SIPA1L3: variants seen among roughly 807,000 people sequenced by gnomAD.
SIPA1L3 encodes signal-induced proliferation-associated 1-like protein 3.
A neutral mutation model predicts 150.1 loss-of-function variants in SIPA1L3; 59 were observed. That is an observed-to-expected ratio of 0.39 (90% CI 0.32 to 0.49). The LOEUF (loss-of-function observed/expected upper bound fraction) is 0.49, where lower values mean the gene tolerates loss of function less well. Among genes scored for constraint, SIPA1L3 ranks in the 20% least tolerant of loss-of-function variants. SIPA1L3 has a pLI of 0.86. For synonymous variants in SIPA1L3, 1,070 were observed against 1,077.6 expected, an observed-to-expected ratio of 0.99 and a Z score of 0.14; for missense variants, 2,211 against 2,489.5, an observed-to-expected ratio of 0.89 and a Z score of 2.38.
chr19:37,952,024 G>C (rs569671347), intron 1 of SIPA1L3, among the ~76,000 whole-genome samples: 58 of 152,106 alleles, frequency 3.8e-4, no homozygotes, highest in African/African-American at 1.4e-3. Flanking sequence ...ATAGGGATTG[G>C]TTCAAGGAAG....
In SIPA1L3 at chr19:38,047,739, A is replaced by G. The variant is rs919109445; in HGVS notation, c.-311+18583A>G. On this transcript the variant is annotated intron_variant, in intron 2 of 21. Transcript: ENST00000222345. The surrounding 1 kb of genome is among the most constrained non-coding windows in gnomAD (Gnocchi z 4.7). The stretch of plus-strand genomic sequence containing the variant: ...ACACCGCAGCCAGCCAGGTCTCCTC[A>G]TGGAGGGCCTCGGACCACGTGTCAT... Among the ~76,000 whole-genome samples, 2 of 152,130 alleles carry G rather than the reference A, an allele frequency of 1.3e-5. No homozygotes were observed. The highest frequency in any genetic ancestry group is 4.8e-5 in the African/African-American group (2 of 41,430).
At chr19:38,149,422 A>G (rs1387031139) in intron 12 of SIPA1L3, among the ~76,000 whole-genome samples, 1 of 152,156 alleles carries the variant, frequency 6.6e-6, no homozygotes, top group Non-Finnish European at 1.5e-5. Flanking sequence ...AGAGAAGTAC[A>G]TGGTTGGATA....
In SIPA1L3 at chr19:38,192,213, G is replaced by A. The variant is rs142454385; in HGVS notation, c.4499G>A (p.Arg1500Gln). 3.4e-5 allele frequency: 55 copies of A among 1,613,512 alleles called. No individual in the cohort carries two copies. Among genetic ancestry groups the A allele is most frequent in the Non-Finnish European group, 4.4e-5 (52 of 1,179,774 alleles). The change falls in exon 17 of 22, where the codon CGG (arginine) becomes CAG (glutamine). Residue 1500 changes from arginine to glutamine, a missense_variant. By Grantham distance (43) the Arg-to-Gln change is conservative. Around this residue, in one of 5 missense-constraint regions of SIPA1L3, gnomAD observed 806 missense variants for 870.1 expected, o/e 0.93. Transcript: ENST00000222345. ...PRLRASLRDLRSPRKNYKSTI... is the reference protein window; with the variant it reads ...PRLRASLRDLQSPRKNYKSTI... ...TTGAGGGCATCCCTCCGAGACCTCC[G>A]GTCACCACGGAAGAACTACAAATCC...
chr19:38,017,426 G>A (rs774805771), intron 1 of SIPA1L3, among the ~76,000 whole-genome samples: 1 of 151,840 alleles, frequency 6.6e-6, no homozygotes, highest in East Asian at 1.9e-4. Context: ...AGCAAGGCCT[G>A]TTTGTTCCTG....
chr19:38,065,411 C>CTTT (rs10718226), intron 2 of SIPA1L3, among the ~76,000 whole-genome samples: 8 of 122,368 alleles, frequency 6.5e-5, no homozygotes, highest in African/African-American at 2.4e-4. Flanking sequence ...CACATGCTGA[C>CTTT]TTTTTTTTTT....
At chr19:37,961,693 T>C (rs1377839924) in intron 1 of SIPA1L3, among the ~76,000 whole-genome samples, 7 of 152,206 alleles carry the variant, frequency 4.6e-5, no homozygotes, top group African/African-American at 1.4e-4. Flanking sequence ...CTATTACTTG[T>C]TCAGATTTTT....
At chr19:38,148,663 C>T (rs1971752482) in intron 12 of SIPA1L3, among the ~76,000 whole-genome samples, 1 of 152,150 alleles carries the variant, frequency 6.6e-6, no homozygotes, top group Non-Finnish European at 1.5e-5. Context: ...CGGCGAGGCT[C>T]CTGCCCACAG....
intron 16 of SIPA1L3, among the ~76,000 whole-genome samples, chr19:38,187,180 G>A (rs902636181): frequency 2.0e-5 from 3 of 151,772 alleles, no homozygotes; most frequent in African/African-American, 7.3e-5. Flanking sequence ...AGCCAGGCGT[G>A]GTAGCTCACG....
At position 38,164,768 on chromosome 19, in the gene SIPA1L3, C is replaced by T. The variant is rs767469139; in HGVS notation, c.4070C>T (p.Ala1357Val). ...GAGGCCGCTGGGAGGTCCCACCACG[C>T]AGACAGGCGGCGGGAGGTCTCCCCT... ...GREAAGRSHH[A>V]DRRREVSPAP... Residue 1357 changes from alanine (A) to valine (V), a missense_variant, in exon 15 of 22, where the codon GCA (alanine) becomes GTA (valine). Ala to Val is a moderately conservative substitution (Grantham distance 64). Coordinates refer to ENST00000222345, the MANE Select transcript of SIPA1L3 (RefSeq NM_015073.3). The surrounding 1 kb of genome is among the most constrained non-coding windows in gnomAD (Gnocchi z 4.1). The T allele has an allele frequency of 1.9e-5, 31 of 1,612,784 alleles. No individual in the cohort carries two copies. The Admixed American group carries it at 5.2e-4, about 27-fold the overall frequency.
At chr19:38,007,227 C>T (rs929535615) in intron 1 of SIPA1L3, among the ~76,000 whole-genome samples, 7 of 152,030 alleles carry the variant, frequency 4.6e-5, no homozygotes, top group Non-Finnish European at 1.0e-4. Flanking sequence ...CCAAGGCAGA[C>T]GGATCATTTG....
At chr19:37,946,533 A>G (rs1288241213) in intron 1 of SIPA1L3, among the ~76,000 whole-genome samples, 1 of 152,198 alleles carries the variant, frequency 6.6e-6, no homozygotes, top group Non-Finnish European at 1.5e-5. Context: ...TTGTATATGT[A>G]TCTGTTTATT....
At chr19:38,176,175 A>G (rs1237643713) in intron 15 of SIPA1L3, among the ~76,000 whole-genome samples, 7 of 140,452 alleles carry the variant, frequency 5.0e-5, no homozygotes, top group Admixed American at 4.2e-4. Flanking sequence ...ACACTTGGCT[A>G]ATTTTTTTTT....
At chr19:38,110,447 TG>T in intron 8 of SIPA1L3, 63 bp downstream of exon 8, 1 of 1,502,456 alleles carries the variant, frequency 6.7e-7, no homozygotes, top group Non-Finnish European at 9.1e-7. Context: ...CTGGCCCAAG[TG>T]GGTCCCAGTA....
chr19:38,159,534 A>G (rs1043126663), intron 13 of SIPA1L3, among the ~76,000 whole-genome samples: 1 of 152,220 alleles, frequency 6.6e-6, no homozygotes, highest in Admixed American at 6.5e-5. Flanking sequence ...CATTAGGAGA[A>G]CAAGAGCTCC....
rs140336687 is a variant in SIPA1L3, at chr19:38,003,711, G to T, written c.-378-25378G>T. Among the ~76,000 whole-genome samples the T allele has an allele frequency of 9.7e-4, 147 of 152,274 alleles. 2 individuals carry two copies. In the East Asian group the frequency reaches 0.019, roughly 20 times the overall value. On this transcript the variant is annotated intron_variant, in intron 1 of 21. Transcript: ENST00000222345. Reference sequence around the variant, plus strand: ...GAGCTCGTTGTGGAACCTGCCATGTGGCGGTTTCTCTTCCATCCCGCCTCT... The same window carrying T: ...GAGCTCGTTGTGGAACCTGCCATGTTGCGGTTTCTCTTCCATCCCGCCTCT...
rs1176902755 is a variant in SIPA1L3, at chr19:38,130,670, C to T, written c.3041C>T (p.Ala1014Val). The T allele has an allele frequency of 1.9e-6, 3 of 1,613,910 alleles. No homozygotes were observed. Among genetic ancestry groups the T allele is most frequent in the Non-Finnish European group, 2.5e-6 (3 of 1,180,014 alleles). ...CGACTAGTGGAGATCTGCAAGGTGG[C>T]CGTGGTCACACTGACCCACGACCAG... ...GSRLVEICKV[A>V]VVTLTHDQMI... The change falls in exon 10 of 22, where the codon GCC becomes GTC. Residue 1014 changes from alanine to valine, a missense_variant. Coordinates refer to ENST00000222345, the MANE Select transcript of SIPA1L3 (RefSeq NM_015073.3).
In SIPA1L3 at chr19:37,968,063, C is replaced by CTCTT. The variant is rs74174499; in HGVS notation, c.-379+60727_-379+60730dup. The stretch of plus-strand genomic sequence containing the variant: ...CATTAATGGGTTCTGATGGCCTCAT[C>CTCTT]TCTTTCTTTCTTTCTTTCTTTCTTT... On this transcript the variant is annotated intron_variant, in intron 1 of 21. Transcript: ENST00000222345. 8.8e-4 allele frequency among the ~76,000 whole-genome samples: 126 copies of CTCTT among 143,568 alleles called. 1 individual carries two copies. The highest frequency in any genetic ancestry group is 2.5e-3 in the African/African-American group (94 of 37,418). 94.2% of individuals were successfully genotyped at this position (143,568 alleles called of 152,430 possible).
intron 1 of SIPA1L3, among the ~76,000 whole-genome samples, chr19:37,917,835 C>T (rs926195094): frequency 6.6e-6 from 1 of 151,940 alleles, no homozygotes; most frequent in Non-Finnish European, 1.5e-5. Context: ...CAAGACTCCA[C>T]CTCTACAAAA....
intron 1 of SIPA1L3, among the ~76,000 whole-genome samples, chr19:37,979,798 A>T (rs1278172510): frequency 6.6e-6 from 1 of 152,250 alleles, no homozygotes; most frequent in Non-Finnish European, 1.5e-5. Flanking sequence ...TGTTAGAGAC[A>T]GTTGGCTCTC....
Sources: allele counts gnomAD v4.1 joint callset (sites outside exome capture counted in the v4.1 genomes callset), GRCh38; gene constraint gnomAD v4.1.1; regional missense constraint gnomAD v4.1.1; non-coding constraint Gnocchi (gnomAD v3.1); transcripts MANE v1.5; gene names NCBI Gene and HGNC (gene_info 2026-07-23, HGNC 2026-07-21).